Variants in GSK3B observed in about 807,000 individuals in gnomAD.
The protein encoded by GSK3B is glycogen synthase kinase 3 beta, also known as glycogen synthase kinase-3 beta.
A neutral mutation model predicts 56.4 loss-of-function variants in GSK3B; 15 were observed. That is an observed-to-expected ratio of 0.27 (90% CI 0.18 to 0.41). The LOEUF (loss-of-function observed/expected upper bound fraction) is 0.41, where lower values mean the gene tolerates loss of function less well. GSK3B is among the 10% of genes least tolerant of loss of function. The probability of loss-of-function intolerance (pLI) is 1.00; values close to 1 mark genes in which losing one functional copy is unlikely to be tolerated. For missense variants in GSK3B, 300 were observed against 513.4 expected (o/e 0.58, Z 4.02); for synonymous variants, 181 against 188.9 (o/e 0.96, Z 0.34).
intron 1 of GSK3B, among the ~76,000 whole-genome samples, chr3:120,076,840 T>A (rs1463718430): frequency 0.016 from 1,406 of 87,798 alleles, 6 homozygotes; most frequent in Non-Finnish European, 0.024. Context: ...AAAAAAAAAA[T>A]GGGCAAAGGA....
intron 2 of GSK3B, among the ~76,000 whole-genome samples, chr3:119,994,467 T>C (rs1206605890): frequency 6.6e-6 from 1 of 152,200 alleles, no homozygotes; most frequent in Non-Finnish European, 1.5e-5. Context: ...AGGTTATTTA[T>C]GTAGTCTAAA....
intron 7 of GSK3B, among the ~76,000 whole-genome samples, chr3:119,905,470 T>C (rs550559614): frequency 3.9e-5 from 6 of 152,250 alleles, no homozygotes; most frequent in East Asian, 3.9e-4. Flanking sequence ...AGTGAGCTTA[T>C]AGTCTAATTT....
chr3:119,983,333 AG>A (rs1485741828), intron 2 of GSK3B, among the ~76,000 whole-genome samples: 1 of 152,240 alleles, frequency 6.6e-6, no homozygotes, highest in Admixed American at 6.5e-5. Flanking sequence ...TCATAATGAC[AG>A]GAACAAATTC....
chr3:119,955,397 C>T (rs112417234), intron 2 of GSK3B, among the ~76,000 whole-genome samples: 3 of 152,028 alleles, frequency 2.0e-5, no homozygotes, highest in Admixed American at 6.6e-5. Context: ...GAACTGGGGG[C>T]CCTGAGAATA....
In GSK3B at chr3:119,822,737, G is replaced by GAAA. The variant is rs2055432448; in HGVS notation, c.*4048_*4050dup. On this transcript the variant is annotated 3_prime_UTR_variant, in exon 11 of 11. Transcript: ENST00000264235. ...CATACCTACTTTTCCACACAGGGGA[G>GAAA]AAAAGTGTTTGGCTCTGTGATTAGA... The GAAA allele has an allele frequency of 8.8e-6, 2 of 228,500 alleles. No homozygotes were observed. The highest frequency in any genetic ancestry group is 3.6e-4 in the South Asian group (2 of 5,504). 14.2% of individuals were successfully genotyped at this position (228,500 alleles called of 1,614,324 possible).
At chr3:119,826,932 T>G (rs1250354125) in intron 10 of GSK3B, 77 bp from the exon 11 acceptor site, 1 of 888,886 alleles carries the variant, frequency 1.1e-6, no homozygotes, top group Admixed American at 1.9e-5. Flanking sequence ...CTGTTTCAAC[T>G]GCAGGCTGTG....
chr3:119,920,937 C>T (rs547892902), intron 4 of GSK3B, among the ~76,000 whole-genome samples: 3 of 152,276 alleles, frequency 2.0e-5, no homozygotes, highest in South Asian at 4.1e-4. Context: ...TAACCAATCC[C>T]GTGACAATTA....
At chr3:119,906,584 A>T (rs2056684851) in intron 6 of GSK3B, among the ~76,000 whole-genome samples, 1 of 152,112 alleles carries the variant, frequency 6.6e-6, no homozygotes, top group Non-Finnish European at 1.5e-5. Flanking sequence ...GATAATTATT[A>T]GTAACACCTC....
intron 8 of GSK3B, among the ~76,000 whole-genome samples, chr3:119,865,030 T>G (rs554623087): frequency 1.3e-5 from 2 of 152,186 alleles, no homozygotes; most frequent in African/African-American, 4.8e-5. Flanking sequence ...TTAGAGTTAC[T>G]GTCGAATTTG....
intron 1 of GSK3B, among the ~76,000 whole-genome samples, chr3:120,027,812 A>G (rs1186401362): frequency 3.3e-5 from 5 of 152,176 alleles, no homozygotes; most frequent in Non-Finnish European, 7.4e-5. Flanking sequence ...GCAAATTTTT[A>G]TTTTCTTTTT....
chr3:120,081,794 C>A (rs1005718618), intron 1 of GSK3B, among the ~76,000 whole-genome samples: 3 of 152,108 alleles, frequency 2.0e-5, no homozygotes, highest in African/African-American at 7.2e-5. Flanking sequence ...CTTATGATCT[C>A]CTACGGAGAA....
chr3:119,972,275 T>A (rs1215327815), intron 2 of GSK3B, among the ~76,000 whole-genome samples: 2 of 152,228 alleles, frequency 1.3e-5, no homozygotes, highest in South Asian at 4.1e-4. Flanking sequence ...ATAAATGAGA[T>A]TCAAATAAGG....
intron 1 of GSK3B, among the ~76,000 whole-genome samples, chr3:120,015,000 A>G (rs1415545362): frequency 1.3e-5 from 2 of 152,180 alleles, no homozygotes; most frequent in South Asian, 2.1e-4. Flanking sequence ...AAAAAAATCA[A>G]ATTTTGTCCT....
chr3:120,006,276 G>T (rs1206566799), intron 1 of GSK3B, among the ~76,000 whole-genome samples: 3 of 152,156 alleles, frequency 2.0e-5, no homozygotes, highest in Non-Finnish European at 2.9e-5. Flanking sequence ...AGTCCTTGGA[G>T]ACCTACAAAG....
At chr3:119,869,731 T>A (rs911757791) in intron 8 of GSK3B, among the ~76,000 whole-genome samples, 3 of 152,228 alleles carry the variant, frequency 2.0e-5, no homozygotes, top group African/African-American at 4.8e-5. Flanking sequence ...TTTTCCCTCA[T>A]CAACGCTGAA....
intron 2 of GSK3B, among the ~76,000 whole-genome samples, chr3:119,980,601 G>A (rs1451146978): frequency 1.3e-5 from 2 of 152,272 alleles, no homozygotes; most frequent in Non-Finnish European, 1.5e-5. Context: ...TAACCCACCC[G>A]TCTTGGCCTC....
intron 1 of GSK3B, among the ~76,000 whole-genome samples, chr3:120,090,631 C>T (rs979166044): frequency 2.0e-5 from 3 of 152,124 alleles, no homozygotes; most frequent in African/African-American, 4.8e-5. Context: ...CAAACCTGTT[C>T]CTTTCACCCC....
At chr3:119,951,845 C>T (rs926882444) in intron 2 of GSK3B, among the ~76,000 whole-genome samples, 3 of 151,504 alleles carry the variant, frequency 2.0e-5, no homozygotes, top group Non-Finnish European at 4.4e-5. Flanking sequence ...CACAGAGAAT[C>T]TCAATAAAGA....
Position 119,826,723 on chromosome 3 carries a change from A to T in GSK3B, c.*65T>A, listed in dbSNP as rs767709239. 2 of 945,354 alleles carry T rather than the reference A, an allele frequency of 2.1e-6. No homozygotes were observed. The highest frequency in any genetic ancestry group is 3.5e-6 in the Non-Finnish European group (2 of 568,660). 58.6% of individuals were successfully genotyped at this position (945,354 alleles called of 1,614,324 possible). On this transcript the variant is annotated 3_prime_UTR_variant, in exon 11 of 11. Transcript: ENST00000264235. ...TTTAATATTCTTTCCAAACGTGACC[A>T]GTGTTGCTGAGTGACACTCAAGTAA...
Sources: allele counts gnomAD v4.1 joint callset (sites outside exome capture counted in the v4.1 genomes callset), GRCh38; gene constraint gnomAD v4.1.1; transcripts MANE v1.5; gene names NCBI Gene and HGNC (gene_info 2026-07-23, HGNC 2026-07-21).